CACNA2D3: variants seen among roughly 807,000 people sequenced by gnomAD.
CACNA2D3 encodes the protein voltage-dependent calcium channel subunit alpha-2/delta-3.
CACNA2D3 carries 60 observed loss-of-function variants against 160.6 expected under a neutral mutation model. That is an observed-to-expected ratio of 0.37 (90% CI 0.30 to 0.46). The LOEUF is 0.46. Ranked by LOEUF, CACNA2D3 falls within the 20% of genes least tolerant of loss-of-function variation. CACNA2D3 has a pLI of 1.00. For synonymous variants in CACNA2D3, 558 were observed against 492.9 expected, an observed-to-expected ratio of 1.13 and a Z score of -1.75; for missense variants, 1,205 against 1,365.0, an observed-to-expected ratio of 0.88 and a Z score of 1.85.
At chr3:54,918,447 A>G (rs780579795) in intron 27 of CACNA2D3, 1 of 1,602,132 alleles carries the variant, frequency 6.2e-7, no homozygotes. Context: ...ATCCTATTTG[A>G]GACAAAAGCT....
At chr3:54,918,410 A>G in intron 27 of CACNA2D3, 2 of 1,546,118 alleles carry the variant, frequency 1.3e-6, no homozygotes, top group Non-Finnish European at 1.8e-6. Context: ...CCCTACTCAG[A>G]CACTATCTTC....
chr3:54,785,347 A>C (rs1702616319), intron 13 of CACNA2D3, among the ~76,000 whole-genome samples: 1 of 152,134 alleles, frequency 6.6e-6, no homozygotes, highest in African/African-American at 2.4e-5. Context: ...GGCCTTCATT[A>C]GGAGATCTCA....
intron 11 of CACNA2D3, among the ~76,000 whole-genome samples, chr3:54,644,595 A>T (rs116390880): frequency 5.9e-5 from 9 of 152,204 alleles, no homozygotes; most frequent in Admixed American, 4.6e-4. Flanking sequence ...GTTGTAATTG[A>T]CAATCTTCAA....
intron 4 of CACNA2D3, among the ~76,000 whole-genome samples, chr3:54,475,395 G>A (rs1256789419): frequency 1.3e-5 from 2 of 152,150 alleles, no homozygotes; most frequent in Non-Finnish European, 2.9e-5. Flanking sequence ...AGTCTCAATT[G>A]CAGCAAGAGG....
intron 11 of CACNA2D3, among the ~76,000 whole-genome samples, chr3:54,676,370 T>C (rs1319276091): frequency 6.6e-6 from 1 of 152,076 alleles, no homozygotes; most frequent in African/African-American, 2.4e-5. Context: ...CTGTCTTGTG[T>C]CTCTCCCAGC....
intron 13 of CACNA2D3, among the ~76,000 whole-genome samples, chr3:54,809,307 C>CTTTTTTTT (rs1417063441): frequency 2.3e-4 from 20 of 86,244 alleles, no homozygotes; most frequent in South Asian, 3.6e-4. Context: ...TTCCTTCCTT[C>CTTTTTTTT]TTTCTTTTTT....
intron 29 of CACNA2D3, among the ~76,000 whole-genome samples, chr3:54,980,118 G>A (rs1049352787): frequency 6.6e-6 from 1 of 152,068 alleles, no homozygotes; most frequent in African/African-American, 2.4e-5. Context: ...TACCAAATAA[G>A]CCAAGTTTTA....
intron 2 of CACNA2D3, among the ~76,000 whole-genome samples, chr3:54,300,779 C>T (rs1485958667): frequency 6.6e-6 from 1 of 152,104 alleles, no homozygotes; most frequent in Non-Finnish European, 1.5e-5. Flanking sequence ...CTTTGGAAGA[C>T]TGAGGTAGGA....
In CACNA2D3 at chr3:54,406,549, G is replaced by T. The variant is rs144482072; in HGVS notation, c.381+19775G>T. Among the ~76,000 whole-genome samples the T allele has an allele frequency of 9.1e-4, 139 of 152,060 alleles. 4 individuals carry two copies. The East Asian group carries it at 0.025, about 28-fold the overall frequency. On this transcript the variant is annotated intron_variant, in intron 4 of 37. Transcript: ENST00000474759. Reference sequence around the variant, plus strand: ...GAGGACATTATGCTAAGTGAAATAAGCCAAACACAGAAAGAAAAATATTTC... The same window carrying T: ...GAGGACATTATGCTAAGTGAAATAATCCAAACACAGAAAGAAAAATATTTC...
At chr3:54,895,263 T>G (rs1184673407) in intron 25 of CACNA2D3, among the ~76,000 whole-genome samples, 1 of 152,154 alleles carries the variant, frequency 6.6e-6, no homozygotes, top group African/African-American at 2.4e-5. Context: ...GATATGAGAT[T>G]AGATTTTTCT....
chr3:54,730,186 C>A (rs2107011386), intron 11 of CACNA2D3, among the ~76,000 whole-genome samples: 1 of 152,296 alleles, frequency 6.6e-6, no homozygotes, highest in South Asian at 2.1e-4. Context: ...ACATGTTCAA[C>A]TTTGCTGTCC....
intron 2 of CACNA2D3, among the ~76,000 whole-genome samples, chr3:54,266,772 G>A (rs948799526): frequency 2.0e-5 from 3 of 152,206 alleles, no homozygotes; most frequent in African/African-American, 7.2e-5. Flanking sequence ...GTCTCTGCCA[G>A]CTCTTGGTTA....
At chr3:54,866,869 T>A (rs1699412490) in intron 17 of CACNA2D3, among the ~76,000 whole-genome samples, 1 of 152,190 alleles carries the variant, frequency 6.6e-6, no homozygotes, top group East Asian at 1.9e-4. Flanking sequence ...GCCAAGGGCT[T>A]GTTTGTGTGT....
At chr3:54,549,822 A>T (rs1702127517) in intron 5 of CACNA2D3, among the ~76,000 whole-genome samples, 1 of 152,250 alleles carries the variant, frequency 6.6e-6, no homozygotes, top group Non-Finnish European at 1.5e-5. Flanking sequence ...ATCAATAAAA[A>T]GCTGATAGCA....
chr3:54,653,022 A>G (rs1307105542), intron 11 of CACNA2D3, among the ~76,000 whole-genome samples: 2 of 151,972 alleles, frequency 1.3e-5, no homozygotes, highest in Admixed American at 6.6e-5. Flanking sequence ...ACCTCAAGTG[A>G]TCCACCTGCC....
intron 11 of CACNA2D3, among the ~76,000 whole-genome samples, chr3:54,746,759 T>C (rs1575454639): frequency 6.6e-6 from 1 of 152,338 alleles, no homozygotes; most frequent in East Asian, 1.9e-4. Flanking sequence ...TCATAAGTGC[T>C]TGGTCTCCAA....
At chr3:54,464,986 G>T (rs1430324967) in intron 4 of CACNA2D3, among the ~76,000 whole-genome samples, 1 of 151,824 alleles carries the variant, frequency 6.6e-6, no homozygotes, top group Non-Finnish European at 1.5e-5. Flanking sequence ...GTGAACATTT[G>T]TTCACTTTAT....
chr3:54,632,591 C>G (rs1699264958), intron 10 of CACNA2D3: 1 of 152,100 alleles, frequency 6.6e-6, no homozygotes, highest in Non-Finnish European at 1.5e-5. Flanking sequence ...AGGACAATGT[C>G]CAGATATTTA....
chr3:54,681,139 C>G (rs201464464), intron 11 of CACNA2D3, among the ~76,000 whole-genome samples: 86 of 143,124 alleles, frequency 6.0e-4, no homozygotes, highest in African/African-American at 2.0e-3. Context: ...GAGAGAGAGA[C>G]AGAGAGAGAA....
Sources: gnomAD v4.1 joint callset for allele counts (sites outside exome capture counted in the v4.1 genomes callset) on GRCh38, gnomAD v4.1.1 for gene constraint, MANE v1.5 for transcripts, NCBI Gene and HGNC (gene_info 2026-07-23, HGNC 2026-07-21) for gene names.